The following SGCZ variants were observed in gnomAD, a reference collection of about 807,000 sequenced individuals.
SGCZ encodes the protein zeta-sarcoglycan.
A neutral mutation model predicts 41.3 loss-of-function variants in SGCZ; 40 were observed. That is an observed-to-expected ratio of 0.97 (90% CI 0.75 to 1.26). The LOEUF is 1.26. Ranked by LOEUF, SGCZ falls within the 50% of genes most tolerant of loss-of-function variation. The pLI, the probability that SGCZ is intolerant of heterozygous loss-of-function variation, is 0.00. For synonymous variants in SGCZ, 206 were observed against 137.5 expected (o/e 1.50, Z -3.49); for missense variants, 552 against 369.8 (o/e 1.49, Z -4.04).
intron 3 of SGCZ, chr8:14,309,585 C>A (rs1273390297): frequency 2.0e-5 from 32 of 1,610,850 alleles, no homozygotes; most frequent in Non-Finnish European, 2.7e-5. Context: ...AAGGTTAGGA[C>A]TTCATCCAAA....
intron 2 of SGCZ, among the ~76,000 whole-genome samples, chr8:14,446,016 G>A (rs994670328): frequency 5.3e-5 from 8 of 152,268 alleles, no homozygotes; most frequent in East Asian, 1.9e-4. Context: ...TGAGTGAAGC[G>A]AGACAAGTAA....
chr8:15,009,968 A>T (rs1802767661), intron 1 of SGCZ, among the ~76,000 whole-genome samples: 1 of 152,222 alleles, frequency 6.6e-6, no homozygotes, highest in East Asian at 1.9e-4. Context: ...AATAAAATGT[A>T]ATAATATAGC....
chr8:14,593,460 A>C (rs1805305267), intron 1 of SGCZ, among the ~76,000 whole-genome samples: 5 of 152,296 alleles, frequency 3.3e-5, no homozygotes, highest in East Asian at 1.9e-4. Flanking sequence ...TAAGTCACTA[A>C]GTTTGTAGTA....
intron 2 of SGCZ, among the ~76,000 whole-genome samples, chr8:14,476,773 A>G (rs1330983097): frequency 6.6e-6 from 1 of 152,300 alleles, no homozygotes; most frequent in South Asian, 2.1e-4. Context: ...GTTGGCTGCC[A>G]TAAGAACTAA....
chr8:14,914,804 A>G (rs1218144188), intron 1 of SGCZ, among the ~76,000 whole-genome samples: 2 of 152,190 alleles, frequency 1.3e-5, no homozygotes, highest in East Asian at 3.9e-4. Flanking sequence ...CTTTCAGTAC[A>G]CTGGAGAGCT....
chr8:14,376,129 T>G (rs939284678), intron 2 of SGCZ, among the ~76,000 whole-genome samples: 1 of 151,936 alleles, frequency 6.6e-6, no homozygotes. Flanking sequence ...CTGGCCAAGA[T>G]GGTGAAACTC....
At chr8:14,179,381 C>A (rs117414406) in intron 4 of SGCZ, among the ~76,000 whole-genome samples, 1 of 152,092 alleles carries the variant, frequency 6.6e-6, no homozygotes, top group Non-Finnish European at 1.5e-5. Context: ...TTCTAGTATC[C>A]CTTTAGCAGA....
At chr8:14,166,848 G>A (rs1355181888) in intron 4 of SGCZ, among the ~76,000 whole-genome samples, 2 of 152,166 alleles carry the variant, frequency 1.3e-5, no homozygotes, top group Non-Finnish European at 2.9e-5. Flanking sequence ...TTCATTAAAT[G>A]TAAATAAGCA....
intron 7 of SGCZ, among the ~76,000 whole-genome samples, chr8:14,097,868 C>CTGTT (rs1801892837): frequency 6.6e-6 from 1 of 151,984 alleles, no homozygotes; most frequent in Non-Finnish European, 1.5e-5. Flanking sequence ...CTTTTGATCT[C>CTGTT]TGTTAGTTTA....
chr8:14,621,272 C>T, intron 1 of SGCZ, among the ~76,000 whole-genome samples: 1 of 121,462 alleles, frequency 8.2e-6, no homozygotes, highest in Non-Finnish European at 1.6e-5. Context: ...GAACATCACA[C>T]ACTGGGGCCT....
At chr8:14,114,194 A>G (rs1366419665) in intron 5 of SGCZ, among the ~76,000 whole-genome samples, 1 of 152,070 alleles carries the variant, frequency 6.6e-6, no homozygotes, top group East Asian at 1.9e-4. Flanking sequence ...AGTAAATTAA[A>G]GAACATGAAT....
chr8:14,180,052 G>T (rs1051879482), intron 4 of SGCZ, among the ~76,000 whole-genome samples: 1 of 152,114 alleles, frequency 6.6e-6, no homozygotes, highest in Admixed American at 6.5e-5. Flanking sequence ...AATAACCAAT[G>T]AGAATGGTAC....
At chr8:14,649,067 T>C (rs542589595) in intron 1 of SGCZ, among the ~76,000 whole-genome samples, 1 of 152,238 alleles carries the variant, frequency 6.6e-6, no homozygotes, top group East Asian at 1.9e-4. Flanking sequence ...TAAATCCTTT[T>C]AGCAACTGAC....
intron 2 of SGCZ, among the ~76,000 whole-genome samples, chr8:14,394,830 T>G (rs1798860291): frequency 1.3e-5 from 2 of 152,186 alleles, no homozygotes; most frequent in African/African-American, 4.8e-5. Context: ...CTAAGTTGCC[T>G]GTTGGAAAAT....
intron 1 of SGCZ, among the ~76,000 whole-genome samples, chr8:15,123,677 T>C (rs1807568614): frequency 6.6e-6 from 1 of 152,202 alleles, no homozygotes; most frequent in Admixed American, 6.5e-5. Flanking sequence ...ACCTTCTAAG[T>C]GATAAGTATG....
chr8:14,324,024 G>C (rs1319824296), intron 3 of SGCZ, 79 bp downstream of exon 3: 3 of 888,314 alleles, frequency 3.4e-6, no homozygotes, highest in Non-Finnish European at 5.4e-6. Flanking sequence ...AGAGATAAGG[G>C]GATTCTACCC....
At chr8:14,469,572 T>G (rs888868059) in intron 2 of SGCZ, among the ~76,000 whole-genome samples, 3 of 152,066 alleles carry the variant, frequency 2.0e-5, no homozygotes, top group Non-Finnish European at 2.9e-5. Flanking sequence ...TTTGAAGTGG[T>G]GTCTCTTTGT....
intron 2 of SGCZ, among the ~76,000 whole-genome samples, chr8:14,518,411 T>C (rs2117093852): frequency 6.6e-6 from 1 of 152,242 alleles, no homozygotes; most frequent in East Asian, 1.9e-4. Context: ...TATCGGCCTA[T>C]TTTCATATAT....
At chr8:14,909,254 G>A (rs1346837961) in intron 1 of SGCZ, among the ~76,000 whole-genome samples, 2 of 152,132 alleles carry the variant, frequency 1.3e-5, no homozygotes, top group Non-Finnish European at 2.9e-5. Flanking sequence ...ATTATGACTT[G>A]TTAGATTGTG....
Sources: gnomAD v4.1 joint callset for allele counts (sites outside exome capture counted in the v4.1 genomes callset) on GRCh38, gnomAD v4.1.1 for gene constraint, MANE v1.5 for transcripts, NCBI Gene and HGNC (gene_info 2026-07-23, HGNC 2026-07-21) for gene names.